Variants in CNTNAP5 observed in about 807,000 individuals in gnomAD.
The protein encoded by CNTNAP5 is contactin associated protein family member 5.
Under a neutral mutation model 150.2 loss-of-function variants are expected in CNTNAP5, and 72 were observed. That is an observed-to-expected ratio of 0.48 (90% CI 0.40 to 0.58). CNTNAP5 has a LOEUF of 0.58. Among genes scored for constraint, CNTNAP5 ranks in the 20% least tolerant of loss-of-function variants. The pLI, the probability that CNTNAP5 is intolerant of heterozygous loss-of-function variation, is 0.00. For synonymous variants in CNTNAP5, 672 were observed against 619.8 expected, an observed-to-expected ratio of 1.08 and a Z score of -1.25; for missense variants, 1,636 against 1,626.2, an observed-to-expected ratio of 1.01 and a Z score of -0.10.
chr2:124,827,712 C>T lies in CNTNAP5; in HGVS notation c.3217+29392C>T, dbSNP rs560658147. On this transcript the variant is annotated intron_variant, in intron 19 of 23. Coordinates refer to ENST00000682447, the MANE Select transcript of CNTNAP5 (RefSeq NM_001367498.1). ...CGTATAATACATTTTCCTTTTTTAT[C>T]GTAATTACCAACTAAATATGATGTA... is the stretch of plus-strand genomic sequence containing the variant. 7.9e-5 allele frequency among the ~76,000 whole-genome samples: 12 copies of T among 152,180 alleles called. No individual in the cohort carries two copies. In the South Asian group the frequency reaches 1.0e-3, roughly 13 times the overall value.
chr2:124,296,167 C>A (rs1429359129), intron 3 of CNTNAP5, among the ~76,000 whole-genome samples: 1 of 151,834 alleles, frequency 6.6e-6, no homozygotes, highest in East Asian at 1.9e-4. Flanking sequence ...TTTTTTCATG[C>A]AATGTGTCAA....
rs541203039 is a variant in CNTNAP5 at position 124,195,644 on chromosome 2, A to G, written c.83-26061A>G. On this transcript the variant is annotated intron_variant, in intron 1 of 23. Coordinates refer to ENST00000682447, the MANE Select transcript of CNTNAP5 (RefSeq NM_001367498.1). ...ACACACACACACACATAATTCAAAA[A>G]GCTAGCAAGATTAAACATAAAATAC... Among the ~76,000 whole-genome samples the G allele has an allele frequency of 1.8e-3, 276 of 152,292 alleles. 1 individual carries two copies. The highest frequency in any genetic ancestry group is 6.5e-3 in the African/African-American group (269 of 41,554).
At chr2:124,503,155 C>A (rs958463452) in intron 7 of CNTNAP5, among the ~76,000 whole-genome samples, 4 of 152,158 alleles carry the variant, frequency 2.6e-5, no homozygotes, top group African/African-American at 7.2e-5. Context: ...ACAACTACAA[C>A]AAATGATTCA....
intron 4 of CNTNAP5, among the ~76,000 whole-genome samples, chr2:124,428,901 T>C (rs1692302971): frequency 6.7e-6 from 1 of 148,260 alleles, no homozygotes; most frequent in South Asian, 2.2e-4. Context: ...AAATCTGAAG[T>C]GATCACACAT....
intron 1 of CNTNAP5, among the ~76,000 whole-genome samples, chr2:124,181,037 TAAA>T (rs937481106): frequency 2.0e-4 from 30 of 148,536 alleles, no homozygotes; most frequent in African/African-American, 7.4e-4. Flanking sequence ...AGCCAGAATT[TAAA>T]AAAAAAAAAT....
At chr2:124,524,549 C>CAATT (rs1256717982) in intron 9 of CNTNAP5, 97 bp downstream of exon 9, 29 of 1,161,184 alleles carry the variant, frequency 2.5e-5, no homozygotes, top group Non-Finnish European at 3.5e-5. Flanking sequence ...GTCAATTAGA[C>CAATT]AATTCTCCCA....
rs1678779429 is a variant in CNTNAP5 at position 124,916,851 on chromosome 2, G to T, written c.*2563G>T. Among the ~76,000 whole-genome samples the T allele has an allele frequency of 6.6e-6, 1 of 152,026 alleles. No homozygotes were observed. Among genetic ancestry groups the T allele is most frequent in the Non-Finnish European group, 1.5e-5 (1 of 67,980 alleles). ...TCCTATAAGTAGTCTCAGGGCTAAA[G>T]CAGAATTATTTTTACAGGGTTGAAT... On this transcript the variant is annotated 3_prime_UTR_variant, in exon 24 of 24. Coordinates refer to ENST00000682447, the MANE Select transcript of CNTNAP5 (RefSeq NM_001367498.1).
chr2:124,259,587 T>G (rs1013206988), intron 3 of CNTNAP5, among the ~76,000 whole-genome samples: 1 of 152,192 alleles, frequency 6.6e-6, no homozygotes, highest in Non-Finnish European at 1.5e-5. Context: ...GTGGTTTTGA[T>G]TTGCATTTCT....
At chr2:124,634,113 T>C (rs1359064591) in intron 12 of CNTNAP5, among the ~76,000 whole-genome samples, 4 of 152,232 alleles carry the variant, frequency 2.6e-5, no homozygotes, top group Non-Finnish European at 5.9e-5. Flanking sequence ...TCTTTACTTA[T>C]GCAAATTTCT....
chr2:124,637,823 G>T (rs1678003028), intron 12 of CNTNAP5, among the ~76,000 whole-genome samples: 1 of 151,510 alleles, frequency 6.6e-6, no homozygotes, highest in African/African-American at 2.4e-5. Context: ...CTTTAATTCT[G>T]CTCCAGTTTC....
chr2:124,220,779 G>A (rs1231087232), intron 1 of CNTNAP5, among the ~76,000 whole-genome samples: 1 of 152,072 alleles, frequency 6.6e-6, no homozygotes, highest in African/African-American at 2.4e-5. Context: ...AAGCCAGTGA[G>A]GGTGGAGCCC....
intron 11 of CNTNAP5, among the ~76,000 whole-genome samples, chr2:124,589,346 G>T (rs1247890990): frequency 6.6e-6 from 1 of 152,120 alleles, no homozygotes; most frequent in Non-Finnish European, 1.5e-5. Flanking sequence ...ATTTATCTGT[G>T]TTGTAGCATG....
At chr2:124,419,152 A>AAAAAAAAAAAAAAAAAAAAAAAAAAC (rs772412223) in intron 4 of CNTNAP5, among the ~76,000 whole-genome samples, 4 of 121,014 alleles carry the variant, frequency 3.3e-5, no homozygotes, top group Non-Finnish European at 7.3e-5. Context: ...AAAAAAAAAA[A>AAAAAAAAAAAAAAAAAAAAAAAAAAC]AAAAAAAAAA....
At chr2:124,374,179 C>A (rs891801263) in intron 3 of CNTNAP5, among the ~76,000 whole-genome samples, 1 of 148,122 alleles carries the variant, frequency 6.8e-6, no homozygotes, top group Non-Finnish European at 1.5e-5. Flanking sequence ...ACATTAAAAA[C>A]AATTATATTA....
chr2:124,278,967 T>G (rs1687950405), intron 3 of CNTNAP5, among the ~76,000 whole-genome samples: 1 of 152,150 alleles, frequency 6.6e-6, no homozygotes, highest in Non-Finnish European at 1.5e-5. Context: ...CTCATTTAAT[T>G]TTCTGTTCGA....
chr2:124,832,948 T>C (rs983495353), intron 19 of CNTNAP5, among the ~76,000 whole-genome samples: 2 of 151,076 alleles, frequency 1.3e-5, no homozygotes, highest in African/African-American at 4.9e-5. Flanking sequence ...GGTCTGCCTC[T>C]GTCCCCCAGG....
intron 13 of CNTNAP5, among the ~76,000 whole-genome samples, chr2:124,719,127 A>T (rs1680002699): frequency 6.6e-6 from 1 of 152,112 alleles, no homozygotes; most frequent in Admixed American, 6.6e-5. Flanking sequence ...TTTAAATTTA[A>T]CTTATTTTCC....
chr2:124,914,051 A>G (rs765801473), intron 23 of CNTNAP5, 41 bp from the exon 24 acceptor site: 5 of 1,491,894 alleles, frequency 3.4e-6, no homozygotes, highest in Non-Finnish European at 3.7e-6. Flanking sequence ...CAGATGACTC[A>G]TGACGATTTC....
intron 3 of CNTNAP5, among the ~76,000 whole-genome samples, chr2:124,316,141 G>T (rs1370311462): frequency 6.6e-6 from 1 of 152,126 alleles, no homozygotes; most frequent in African/African-American, 2.4e-5. Flanking sequence ...ATTTGGGCCA[G>T]CAGGAGTTGG....
Sources: gnomAD v4.1 joint callset for allele counts (sites outside exome capture counted in the v4.1 genomes callset) on GRCh38, gnomAD v4.1.1 for gene constraint, MANE v1.5 for transcripts, NCBI Gene and HGNC (gene_info 2026-07-23, HGNC 2026-07-21) for gene names.